ARSL: variants seen among roughly 807,000 people sequenced by gnomAD.
The protein encoded by ARSL is arylsulfatase L.
In ARSL, 4 loss-of-function variants were observed where a neutral mutation model predicts 31.1. The ratio of observed to expected loss-of-function variants is 0.13; its 90% confidence interval spans 0.06 to 0.29. The LOEUF is 0.29. ARSL is among the 10% of genes least tolerant of loss of function. The pLI is 1.00. For missense variants in ARSL, 312 were observed against 497.8 expected, an observed-to-expected ratio of 0.63 and a Z score of 3.55; for synonymous variants, 198 against 209.9, an observed-to-expected ratio of 0.94 and a Z score of 0.49.
chrX:2,965,031 G>A (rs889722039), upstream of ARSL, among the ~76,000 whole-genome samples: 6 of 110,227 alleles, frequency 5.4e-5, no homozygotes, highest in East Asian at 8.6e-4. Context: ...TTTGAGCCTG[G>A]GAGGTTGAAG....
At chrX:2,936,952 G>A (rs1254621109) in intron 9 of ARSL, 89 bp from the exon 10 acceptor site, 1 of 1,128,011 alleles carries the variant, frequency 8.9e-7, no homozygotes, top group African/African-American at 1.8e-5. Context: ...AGCCCCAGGT[G>A]GTGCACTCTC....
intron 7 of ARSL, among the ~76,000 whole-genome samples, chrX:2,945,741 T>C (rs1279682453): frequency 9.0e-6 from 1 of 111,377 alleles, no homozygotes; most frequent in African/African-American, 3.3e-5. Flanking sequence ...GTCTAGGGAG[T>C]GGACAGCTTT....
At chrX:2,941,581 C>T (rs1260747089) in intron 8 of ARSL, among the ~76,000 whole-genome samples, 1 of 111,972 alleles carries the variant, frequency 8.9e-6, no homozygotes, top group African/African-American at 3.2e-5. Context: ...TTAACCCAGA[C>T]ATTCCTTTCT....
At chrX:2,953,305 T>G in intron 4 of ARSL, 40 bp from the exon 5 acceptor site, 1 of 1,161,569 alleles carries the variant, frequency 8.6e-7, no homozygotes, top group Non-Finnish European at 1.2e-6. Flanking sequence ...CTGTTCCACA[T>G]TTTTTTTCCT....
intron 1 of ARSL, 65 bp from the exon 2 acceptor site, chrX:2,960,485 C>T: frequency 9.1e-7 from 1 of 1,098,703 alleles, no homozygotes; most frequent in East Asian, 3.0e-5. Context: ...ATAAATAAAA[C>T]AGTAAGTAAG....
intron 5 of ARSL, among the ~76,000 whole-genome samples, chrX:2,950,602 T>A (rs1431176336): frequency 1.8e-5 from 2 of 111,259 alleles, no homozygotes; most frequent in Non-Finnish European, 3.8e-5. Context: ...AAATGGGAGT[T>A]CCCCTGCACA....
At chrX:2,952,026 A>G (rs1296330436) in intron 5 of ARSL, among the ~76,000 whole-genome samples, 2 of 111,162 alleles carry the variant, frequency 1.8e-5, no homozygotes, top group Non-Finnish European at 3.8e-5. Context: ...AATCATTACT[A>G]TAACACAATA....
chrX:2,937,716 A>G (rs1349396251), intron 9 of ARSL, among the ~76,000 whole-genome samples: 5 of 111,318 alleles, frequency 4.5e-5, no homozygotes, highest in Non-Finnish European at 9.4e-5. Flanking sequence ...CTGAGGCTCC[A>G]GAGGAAGGTC....
intron 1 of ARSL, 137 bp from the exon 2 acceptor site, chrX:2,960,557 A>G: frequency 1.7e-6 from 1 of 573,175 alleles, no homozygotes; most frequent in Non-Finnish European, 2.8e-6. Context: ...TAAAACAATG[A>G]TCAAAATCTA....
At chrX:2,944,509 C>CCACA (rs56916363) in intron 7 of ARSL, among the ~76,000 whole-genome samples, 3 of 106,874 alleles carry the variant, frequency 2.8e-5, no homozygotes, top group Admixed American at 1.0e-4. Flanking sequence ...TGAGACCCTG[C>CCACA]CACACACACA....
upstream of ARSL, among the ~76,000 whole-genome samples, chrX:2,965,266 C>G (rs1307226521): frequency 9.0e-6 from 1 of 110,577 alleles, no homozygotes; most frequent in Non-Finnish European, 1.9e-5. Context: ...TTTGGGAGGA[C>G]GAGGTGGGCC....
chrX:2,960,501 A>C (rs2089610985), intron 1 of ARSL, 81 bp from the exon 2 acceptor site: 2 of 1,005,194 alleles, frequency 2.0e-6, no homozygotes, highest in South Asian at 4.1e-5. Context: ...GTAAGTAATT[A>C]GGGGAACTTT....
upstream of ARSL, among the ~76,000 whole-genome samples, chrX:2,964,782 A>G (rs1390356656): frequency 2.7e-5 from 3 of 111,298 alleles, no homozygotes; most frequent in Non-Finnish European, 5.7e-5. Flanking sequence ...CAGCCTGGGC[A>G]GCAAAGTGAG....
chrX:2,944,347 C>G (rs11797823), intron 7 of ARSL, among the ~76,000 whole-genome samples: 106 of 105,981 alleles, frequency 1.0e-3, no homozygotes, highest in Non-Finnish European at 1.2e-3. Context: ...CCAGCTACTC[C>G]GGAGGCTGAG....
chrX:2,951,129 A>G (rs2089454367), intron 5 of ARSL, among the ~76,000 whole-genome samples: 1 of 112,026 alleles, frequency 8.9e-6, no homozygotes, highest in South Asian at 3.8e-4. Flanking sequence ...TTCAGAGGTT[A>G]GGGCCTGACA....
intron 2 of ARSL, chrX:2,959,522 T>G: frequency 1.9e-6 from 2 of 1,078,314 alleles, no homozygotes; most frequent in African/African-American, 3.7e-5. Context: ...GTAATCTGAG[T>G]CTCCAAGGTT....
intron 2 of ARSL, among the ~76,000 whole-genome samples, chrX:2,959,283 C>T: frequency 8.9e-6 from 1 of 111,825 alleles, no homozygotes; most frequent in African/African-American, 3.3e-5. Context: ...CCAGGACTGA[C>T]TTCTTTAGCC....
rs1300532545 is a variant in ARSL at position 2,936,858 on chromosome X, A to G, written c.1295T>C (p.Ile432Thr). 1.2e-5 allele frequency: 15 copies of G among 1,210,032 alleles called. No homozygotes were observed. The highest frequency in any genetic ancestry group is 7.0e-5 in the African/African-American group (4 of 57,206). ...AGGEVPQDRV[I>T]DGQDLLPLLL... Reference sequence around the variant, plus strand: ...CAAGGGCAGAAGGTCTTGGCCGTCAATCACTCTGCAGGAAGGAACATGGCA... The same window carrying G: ...CAAGGGCAGAAGGTCTTGGCCGTCAGTCACTCTGCAGGAAGGAACATGGCA... Residue 432 changes from isoleucine (I) to threonine (T), a missense_variant, in exon 10 of 11, where the codon ATT becomes ACT. Coordinates refer to ENST00000381134, the MANE Select transcript of ARSL (RefSeq NM_000047.3).
chrX:2,953,502 A>G (rs2089488162), intron 4 of ARSL, among the ~76,000 whole-genome samples: 1 of 112,245 alleles, frequency 8.9e-6, no homozygotes, highest in African/African-American at 3.2e-5. Context: ...TGCAGGTTAT[A>G]AGCAATATAA....
Sources: allele counts gnomAD v4.1 joint callset (sites outside exome capture counted in the v4.1 genomes callset), GRCh38; gene constraint gnomAD v4.1.1; transcripts MANE v1.5; gene names NCBI Gene and HGNC (gene_info 2026-07-23, HGNC 2026-07-21).